AKAP6: variants seen among roughly 807,000 people sequenced by gnomAD.
AKAP6 encodes A-kinase anchor protein 6.
A neutral mutation model predicts 188.5 loss-of-function variants in AKAP6; 58 were observed. The ratio of observed to expected loss-of-function variants is 0.31; its 90% confidence interval spans 0.25 to 0.38. The LOEUF (loss-of-function observed/expected upper bound fraction) is 0.38. AKAP6 is among the 10% of genes least tolerant of loss of function. The pLI, the probability that AKAP6 is intolerant of heterozygous loss-of-function variation, is 1.00. For synonymous variants in AKAP6, 989 were observed against 998.6 expected (o/e 0.99, Z 0.18); for missense variants, 2,710 against 2,740.0 (o/e 0.99, Z 0.24).
chr14:32,562,527 G>A (rs959041144), intron 4 of AKAP6, among the ~76,000 whole-genome samples: 1 of 152,186 alleles, frequency 6.6e-6, no homozygotes, highest in African/African-American at 2.4e-5. Context: ...GGAAGCTGAG[G>A]CATGTGGATC....
At chr14:32,491,458 C>G (rs974296240) in intron 2 of AKAP6, among the ~76,000 whole-genome samples, 11 of 152,076 alleles carry the variant, frequency 7.2e-5, no homozygotes, top group African/African-American at 2.7e-4. Context: ...GCTTAAAATC[C>G]AAAAGTGGCT....
intron 9 of AKAP6, among the ~76,000 whole-genome samples, chr14:32,712,231 T>C (rs1272336747): frequency 6.6e-6 from 1 of 151,968 alleles, no homozygotes. Context: ...TAGCATTATG[T>C]CTAAAAATGT....
At chr14:32,613,007 C>G (rs1886416775) in intron 7 of AKAP6, among the ~76,000 whole-genome samples, 1 of 152,184 alleles carries the variant, frequency 6.6e-6, no homozygotes, top group African/African-American at 2.4e-5. Context: ...ATATTTGGTC[C>G]ATTGCAATTT....
intron 1 of AKAP6, among the ~76,000 whole-genome samples, chr14:32,425,143 A>ACCAG (rs1240666726): frequency 6.6e-6 from 1 of 152,114 alleles, no homozygotes; most frequent in African/African-American, 2.4e-5. Context: ...CCACAACCTC[A>ACCAG]CCAGCATCTG....
At chr14:32,518,715 C>T (rs1281333935) in intron 2 of AKAP6, among the ~76,000 whole-genome samples, 1 of 152,186 alleles carries the variant, frequency 6.6e-6, no homozygotes, top group African/African-American at 2.4e-5. Context: ...AAATCTACGT[C>T]TGATTGGTGT....
At chr14:32,607,865 A>G (rs964503637) in intron 7 of AKAP6, among the ~76,000 whole-genome samples, 6 of 152,248 alleles carry the variant, frequency 3.9e-5, no homozygotes, top group African/African-American at 7.2e-5. Flanking sequence ...TGCAGTACCT[A>G]GGGAGAACTC....
chr14:32,732,385 T>A, intron 9 of AKAP6, 69 bp from the exon 10 acceptor site: 2 of 1,523,528 alleles, frequency 1.3e-6, no homozygotes, highest in Non-Finnish European at 1.8e-6. Flanking sequence ...CATCACAAAT[T>A]CTGTGTTCAA....
At chr14:32,388,781 T>C (rs2138577099) in intron 1 of AKAP6, among the ~76,000 whole-genome samples, 1 of 152,284 alleles carries the variant, frequency 6.6e-6, no homozygotes, top group East Asian at 1.9e-4. Context: ...TCATATGGTC[T>C]ATATTGGAGA....
chr14:32,629,967 C>T (rs58699101), intron 7 of AKAP6, among the ~76,000 whole-genome samples: 4,509 of 152,074 alleles, frequency 0.03, 220 homozygotes, highest in East Asian at 0.12. Context: ...CTTACTAAAG[C>T]GTTAGTTTGG....
In AKAP6 at chr14:32,457,369, C is replaced by A. The variant is rs375522328; in HGVS notation, c.324+23552C>A. Among the ~76,000 whole-genome samples the A allele has an allele frequency of 9.9e-5, 15 of 152,270 alleles. No homozygotes were observed. In the East Asian group the frequency reaches 1.5e-3, roughly 16 times the overall value. ...ATTCTGAACCCTATTACATCTTCTT[C>A]ACTGTTTGGCTTCAAATGGCCCTGG... On this transcript the variant is annotated intron_variant, in intron 2 of 13. Coordinates refer to ENST00000280979, the MANE Select transcript of AKAP6 (RefSeq NM_004274.5).
At chr14:32,701,470 T>G (rs903284932) in intron 9 of AKAP6, among the ~76,000 whole-genome samples, 4 of 152,114 alleles carry the variant, frequency 2.6e-5, no homozygotes, top group Non-Finnish European at 5.9e-5. Flanking sequence ...TGAAAACATT[T>G]TCTTTTAGGA....
chr14:32,523,507 C>T (rs1421427313), intron 2 of AKAP6, among the ~76,000 whole-genome samples: 1 of 147,884 alleles, frequency 6.8e-6, no homozygotes, highest in Admixed American at 6.7e-5. Context: ...CTGATTCTGT[C>T]GCCCAGGCTA....
chr14:32,437,931 T>C (rs1732940671), intron 2 of AKAP6, among the ~76,000 whole-genome samples: 1 of 152,152 alleles, frequency 6.6e-6, no homozygotes, highest in Non-Finnish European at 1.5e-5. Flanking sequence ...CAGTTATTTA[T>C]TTATTTGCTT....
chr14:32,787,063 A>G (rs1159252462), intron 12 of AKAP6, among the ~76,000 whole-genome samples: 2 of 152,246 alleles, frequency 1.3e-5, no homozygotes, highest in Non-Finnish European at 2.9e-5. Flanking sequence ...TAAAACACCC[A>G]AAGGATTCAA....
At chr14:32,453,597 T>C (rs866636783) in intron 2 of AKAP6, among the ~76,000 whole-genome samples, 27,343 of 75,296 alleles carry the variant, frequency 0.36, 6,551 homozygotes, top group African/African-American at 0.61. Flanking sequence ...TTTTTTTTTT[T>C]TTTTTTTTTT....
chr14:32,367,356 A>G (rs1887869196), intron 1 of AKAP6, among the ~76,000 whole-genome samples: 1 of 152,200 alleles, frequency 6.6e-6, no homozygotes, highest in Admixed American at 6.5e-5. Context: ...GTGCTCATAG[A>G]ATTAAGTGGA....
At chr14:32,401,038 G>C (rs1041947803) in intron 1 of AKAP6, among the ~76,000 whole-genome samples, 1 of 152,088 alleles carries the variant, frequency 6.6e-6, no homozygotes, top group East Asian at 1.9e-4. Flanking sequence ...AAAAGGCATA[G>C]AAAAAAATGG....
chr14:32,649,083 G>T (rs1298565435), intron 7 of AKAP6, among the ~76,000 whole-genome samples: 2 of 152,090 alleles, frequency 1.3e-5, no homozygotes, highest in East Asian at 3.9e-4. Context: ...GAAAGAACCA[G>T]TCTTCGGGTC....
rs143354934 is a variant in AKAP6, at chr14:32,407,856, G to T, written c.-34-25604G>T. 2.0e-3 allele frequency among the ~76,000 whole-genome samples: 300 copies of T among 152,270 alleles called. 2 individuals carry two copies. Among genetic ancestry groups the T allele is most frequent in the African/African-American group, 7.0e-3 (291 of 41,554 alleles). ...GTGGAGGAGAAGGGTTTCTACACTGGTAGGAGGAATGAATCTGGGTAAAAT... is the reference window on the plus strand; with the variant it reads ...GTGGAGGAGAAGGGTTTCTACACTGTTAGGAGGAATGAATCTGGGTAAAAT... On this transcript the variant is annotated intron_variant, in intron 1 of 13. Transcript: ENST00000280979.
Sources: gnomAD v4.1 joint callset for allele counts (sites outside exome capture counted in the v4.1 genomes callset) on GRCh38, gnomAD v4.1.1 for gene constraint, MANE v1.5 for transcripts, NCBI Gene and HGNC (gene_info 2026-07-23, HGNC 2026-07-21) for gene names.